CALN1: variants seen among roughly 807,000 people sequenced by gnomAD.
The protein encoded by CALN1 is calneuron 1, also known as calcium-binding protein 8.
Under a neutral mutation model 30.6 loss-of-function variants are expected in CALN1, and 17 were observed. The observed-to-expected ratio is 0.56, with a 90% CI of 0.38 to 0.83. The LOEUF is 0.83. Ranked by LOEUF, CALN1 falls within the 40% of genes least tolerant of loss-of-function variation. The pLI, the probability that CALN1 is intolerant of heterozygous loss-of-function variation, is 0.00. For synonymous variants in CALN1, 156 were observed against 131.4 expected (o/e 1.19, Z -1.28); for missense variants, 291 against 354.9 (o/e 0.82, Z 1.45).
intron 5 of CALN1, among the ~76,000 whole-genome samples, chr7:71,922,508 C>T (rs1442620120): frequency 7.3e-6 from 1 of 137,328 alleles, no homozygotes; most frequent in Non-Finnish European, 1.5e-5. Flanking sequence ...TATATAAATA[C>T]ACAATATATA....
chr7:72,085,592 G>T (rs1327813116), intron 4 of CALN1, among the ~76,000 whole-genome samples: 1 of 152,136 alleles, frequency 6.6e-6, no homozygotes, highest in African/African-American at 2.4e-5. Context: ...ATAAGGAGGG[G>T]TTATTATATT....
intron 5 of CALN1, among the ~76,000 whole-genome samples, chr7:71,811,836 G>A (rs538483887): frequency 6.6e-6 from 1 of 151,898 alleles, no homozygotes; most frequent in African/African-American, 2.4e-5. Context: ...GCACCACCAC[G>A]CCCAGCTAAT....
At chr7:71,844,669 G>C (rs1790126815) in intron 5 of CALN1, among the ~76,000 whole-genome samples, 1 of 152,138 alleles carries the variant, frequency 6.6e-6, no homozygotes, top group South Asian at 2.1e-4. Context: ...GTAACACTTA[G>C]TGGAAAGGGC....
chr7:71,879,016 T>C (rs1417246202), intron 5 of CALN1, among the ~76,000 whole-genome samples: 1 of 152,192 alleles, frequency 6.6e-6, no homozygotes, highest in Non-Finnish European at 1.5e-5. Flanking sequence ...TGAGGACTTA[T>C]GGGACCTCAA....
chr7:72,114,281 A>AAAATAAAAGT (rs2129541746), intron 3 of CALN1, among the ~76,000 whole-genome samples: 2 of 85,116 alleles, frequency 2.3e-5, no homozygotes, highest in Non-Finnish European at 4.6e-5. Flanking sequence ...AGGGAAGGGA[A>AAAATAAAAGT]GGGAAGGGAA....
chr7:71,833,459 G>A (rs1187381701), intron 5 of CALN1, among the ~76,000 whole-genome samples: 2 of 151,780 alleles, frequency 1.3e-5, no homozygotes, highest in African/African-American at 2.4e-5. Context: ...AAATGGAGAC[G>A]TTCAACAAAA....
chr7:72,262,628 A>G (rs1482541955), intron 3 of CALN1, among the ~76,000 whole-genome samples: 1 of 152,146 alleles, frequency 6.6e-6, no homozygotes, highest in Admixed American at 6.6e-5. Context: ...TTCTGCATTA[A>G]TTCACTTAGG....
At position 71,782,791 on chromosome 7, in the gene CALN1, G is replaced by A. The variant is rs1017514958; in HGVS notation, c.*4984C>T. On this transcript the variant is annotated 3_prime_UTR_variant, in exon 7 of 7. Coordinates refer to ENST00000395275, the MANE Select transcript of CALN1 (RefSeq NM_031468.4). ...GAAGTTTTGCTCTGTTGCCCAGGCT[G>A]GAGTGCAGTGGCGCGATCTCAGCTC... 4.6e-5 allele frequency: 7 copies of A among 152,198 alleles called. No homozygotes were observed. Among genetic ancestry groups the A allele is most frequent in the African/African-American group, 1.7e-4 (7 of 41,438 alleles). 9.4% of individuals were successfully genotyped at this position (152,198 alleles called of 1,614,324 possible).
At chr7:72,392,108 T>C (rs1805616294) in intron 2 of CALN1, among the ~76,000 whole-genome samples, 1 of 152,180 alleles carries the variant, frequency 6.6e-6, no homozygotes, top group Non-Finnish European at 1.5e-5. Flanking sequence ...ACAACCCAGA[T>C]ACCAAGCTGT....
intron 5 of CALN1, among the ~76,000 whole-genome samples, chr7:71,834,261 A>T (rs1210249374): frequency 6.0e-5 from 9 of 150,048 alleles, no homozygotes; most frequent in Non-Finnish European, 1.3e-4. Context: ...AAACTAGTTA[A>T]ATTAAATTAC....
At chr7:72,137,039 GCTT>G (rs1809559051) in intron 3 of CALN1, among the ~76,000 whole-genome samples, 1 of 152,182 alleles carries the variant, frequency 6.6e-6, no homozygotes. Context: ...CCTGAGAGGG[GCTT>G]CTGGCCAAGT....
intron 3 of CALN1, among the ~76,000 whole-genome samples, chr7:72,244,215 G>A (rs1427434831): frequency 6.6e-6 from 1 of 152,162 alleles, no homozygotes; most frequent in Non-Finnish European, 1.5e-5. Context: ...TTTCATCACT[G>A]CATTCCCAGT....
chr7:72,024,916 G>C (rs1800956661), intron 4 of CALN1, among the ~76,000 whole-genome samples: 2 of 152,164 alleles, frequency 1.3e-5, no homozygotes, highest in South Asian at 4.1e-4. Context: ...GAAATGTCAT[G>C]TTCTCTTTTT....
At chr7:71,869,793 G>C (rs760943215) in intron 5 of CALN1, among the ~76,000 whole-genome samples, 3 of 152,126 alleles carry the variant, frequency 2.0e-5, no homozygotes, top group Non-Finnish European at 4.4e-5. Flanking sequence ...GGAGACAATG[G>C]AATCGTGTAA....
chr7:72,488,657 G>A, the CALN1 span, among the ~76,000 whole-genome samples: 2 of 152,060 alleles, frequency 1.3e-5, no homozygotes, highest in East Asian at 3.9e-4. Flanking sequence ...CCAGCTTCAG[G>A]AAGAATCACA....
chr7:72,145,126 C>T (rs1453616071), intron 3 of CALN1, among the ~76,000 whole-genome samples: 3 of 152,062 alleles, frequency 2.0e-5, no homozygotes, highest in African/African-American at 7.2e-5. Context: ...AAGATCAGAG[C>T]AGAACTGAAG....
At chr7:71,965,518 C>T (rs950076410) in intron 5 of CALN1, among the ~76,000 whole-genome samples, 1 of 152,150 alleles carries the variant, frequency 6.6e-6, no homozygotes, top group Non-Finnish European at 1.5e-5. Flanking sequence ...ATAGGTATCT[C>T]ATTCATTCTA....
chr7:72,284,989 T>C (rs1200237397), intron 2 of CALN1, among the ~76,000 whole-genome samples: 6 of 152,048 alleles, frequency 3.9e-5, no homozygotes, highest in Non-Finnish European at 7.4e-5. Context: ...GGTATTATTA[T>C]TATTCTGAGC....
chr7:72,417,170 C>T, upstream of CALN1, among the ~76,000 whole-genome samples: 1 of 152,212 alleles, frequency 6.6e-6, no homozygotes, highest in Non-Finnish European at 1.5e-5. Flanking sequence ...GTTTGAGAAG[C>T]ACCACTGCTG....
Sources: allele counts gnomAD v4.1 joint callset (sites outside exome capture counted in the v4.1 genomes callset), GRCh38; gene constraint gnomAD v4.1.1; transcripts MANE v1.5; gene names NCBI Gene and HGNC (gene_info 2026-07-23, HGNC 2026-07-21).